TGM3: variants seen among roughly 807,000 people sequenced by gnomAD.
TGM3 encodes the protein transglutaminase 3, also known as protein-glutamine gamma-glutamyltransferase E.
TGM3 carries 52 observed loss-of-function variants against 73.8 expected under a neutral mutation model. That is an observed-to-expected ratio of 0.70 (90% CI 0.56 to 0.89). The LOEUF (loss-of-function observed/expected upper bound fraction) is 0.89. Ranked by LOEUF, TGM3 falls within the 40% of genes least tolerant of loss-of-function variation. The pLI is 0.00. For missense variants in TGM3, 928 were observed against 909.9 expected (o/e 1.02, Z -0.26); for synonymous variants, 372 against 354.9 (o/e 1.05, Z -0.54).
In TGM3 at chr20:2,317,263, T is replaced by A; in HGVS notation, c.847+18T>A. The A allele has an allele frequency of 6.2e-7, 1 of 1,613,750 alleles. No homozygotes were observed. The highest frequency in any genetic ancestry group is 1.7e-5 in the Admixed American group (1 of 60,024). Reference sequence around the variant, plus strand: ...CAACACAGGTACCTTGGGTGTGGTGTGCCTTGGCTGGGTCAGTGGGTGGCA... The same window carrying A: ...CAACACAGGTACCTTGGGTGTGGTGAGCCTTGGCTGGGTCAGTGGGTGGCA... On this transcript the variant is annotated intron_variant, in intron 6 of 12. Transcript: ENST00000381458.
chr20:2,313,510 G>A (rs2084217774), intron 5 of TGM3, among the ~76,000 whole-genome samples: 1 of 152,174 alleles, frequency 6.6e-6, no homozygotes, highest in African/African-American at 2.4e-5. Context: ...TCATGGTCTA[G>A]ATGGGGAAAC....
chr20:2,328,193 C>A lies in TGM3; in HGVS notation c.1161C>A (p.Pro387=). ...EGDVQLNFDM[P]FIFAEVNADR... is the part of the protein sequence containing the mutation. ...ATGTGCAGCTGAACTTCGACATGCC[C>A]TTTATCTTCGCGGAGGTTAATGCCG... The change falls in exon 9 of 13, where the codon CCC becomes CCA. Residue 387 remains proline (P), a synonymous_variant. Coordinates refer to ENST00000381458, the MANE Select transcript of TGM3 (RefSeq NM_003245.4). This position sits in a 1 kb window ranked among gnomAD's most constrained non-coding sequence, Gnocchi z 5.2. 1 of 1,614,190 alleles carries A rather than the reference C, an allele frequency of 6.2e-7. No homozygotes were observed. Among genetic ancestry groups the A allele is most frequent in the Non-Finnish European group, 8.5e-7 (1 of 1,180,048 alleles).
intron 1 of TGM3, among the ~76,000 whole-genome samples, chr20:2,302,503 T>C (rs1205368016): frequency 1.3e-5 from 2 of 152,098 alleles, no homozygotes; most frequent in African/African-American, 4.8e-5. Flanking sequence ...AACCAGGCAG[T>C]TCTGGGCAGG....
intron 7 of TGM3, among the ~76,000 whole-genome samples, chr20:2,323,185 A>G (rs1435546425): frequency 1.3e-5 from 2 of 152,118 alleles, no homozygotes; most frequent in Admixed American, 1.3e-4. Context: ...CCTGAACCCA[A>G]TTTGTAGTCT....
chr20:2,315,492 A>G (rs2084228511), intron 5 of TGM3, among the ~76,000 whole-genome samples: 1 of 152,242 alleles, frequency 6.6e-6, no homozygotes, highest in African/African-American at 2.4e-5. Flanking sequence ...TCACTACTGC[A>G]CTGAGGGCCT....
chr20:2,322,752 G>C (rs933968891), intron 7 of TGM3, among the ~76,000 whole-genome samples: 7 of 152,158 alleles, frequency 4.6e-5, no homozygotes, highest in Non-Finnish European at 7.3e-5. Flanking sequence ...GATTAAATAA[G>C]TTAATATATG....
At chr20:2,296,187 G>T (rs1232552654) in intron 1 of TGM3, 117 bp downstream of exon 1, 3 of 1,293,334 alleles carry the variant, frequency 2.3e-6, no homozygotes, top group Non-Finnish European at 3.3e-6. Context: ...GGGCTCTGAA[G>T]GCCAGACTTC....
intron 11 of TGM3, among the ~76,000 whole-genome samples, chr20:2,338,112 AGAT>A (rs1250429001): frequency 1.3e-5 from 2 of 152,212 alleles, no homozygotes; most frequent in Non-Finnish European, 2.9e-5. Flanking sequence ...CTGTATGAAA[AGAT>A]AATAATTTGG....
At chr20:2,311,251 T>C in intron 4 of TGM3, 122 bp downstream of exon 4, 2 of 788,330 alleles carry the variant, frequency 2.5e-6, no homozygotes, top group Non-Finnish European at 4.3e-6. Flanking sequence ...TATTTGTTCA[T>C]GTATTCAGAA....
At chr20:2,312,774 G>A in intron 4 of TGM3, 124 bp from the exon 5 acceptor site, 1 of 1,406,706 alleles carries the variant, frequency 7.1e-7, no homozygotes, top group South Asian at 1.3e-5. Context: ...GTAGCTCTCA[G>A]TTCCAGAGGC....
chr20:2,312,881 G>C lies in TGM3; in HGVS notation c.541-17G>C. On this transcript the variant is annotated splice_polypyrimidine_tract_variant and intron_variant, in intron 4 of 12. Coordinates refer to ENST00000381458, the MANE Select transcript of TGM3 (RefSeq NM_003245.4). The stretch of plus-strand genomic sequence containing the variant: ...TGTCATTTCTTTAATTGTAATGTAT[G>C]GTCTCGTTCTGAACAGTTTGAAGAA... 6.2e-7 allele frequency: 1 copy of C among 1,613,832 alleles called. No individual in the cohort carries two copies. The highest frequency in any genetic ancestry group is 2.2e-5 in the East Asian group (1 of 44,862).
intron 10 of TGM3, among the ~76,000 whole-genome samples, chr20:2,333,659 G>A (rs986199057): frequency 1.3e-5 from 2 of 152,148 alleles, no homozygotes; most frequent in Non-Finnish European, 2.9e-5. Flanking sequence ...GCTTCCCAAA[G>A]TGCTGGGATT....
chr20:2,317,456 C>A lies in TGM3; in HGVS notation c.954C>A (p.Asn318Lys). Residue 318 changes from asparagine to lysine, a missense_variant, in exon 7 of 13, where the codon AAC becomes AAA. By Grantham distance (94) the Asn-to-Lys change is moderately conservative. Coordinates refer to ENST00000381458, the MANE Select transcript of TGM3 (RefSeq NM_003245.4). Reference sequence around the variant, plus strand: ...ATGTGTACTACGACCCCATGGGAAACCCCCTGGACAAGGGTAGTGATAGCG... The same window carrying A: ...ATGTGTACTACGACCCCATGGGAAAACCCCTGGACAAGGGTAGTGATAGCG... ...SVDVYYDPMGNPLDKGSDSVW... is the reference protein window; with the variant it reads ...SVDVYYDPMGKPLDKGSDSVW... The A allele has an allele frequency of 1.2e-6, 2 of 1,614,212 alleles. No individual in the cohort carries two copies. Among genetic ancestry groups the A allele is most frequent in the African/African-American group, 1.3e-5 (1 of 75,068 alleles).
At position 2,326,130 on chromosome 20, in the gene TGM3, T is replaced by C. The variant is rs2084286668; in HGVS notation, c.1087+178T>C. 6.1e-6 allele frequency: 4 copies of C among 650,526 alleles called. No individual in the cohort carries two copies. The Admixed American group carries it at 1.0e-4, about 17-fold the overall frequency. The allele number at this position is 650,526 out of a possible 1,614,324, so 40.3% of individuals were successfully genotyped here. ...ATTTTGCTTGGCTCGGGCTGCTGTT[T>C]AAATGAGTGCCTGCCCTGCACCCAC... On this transcript the variant is annotated intron_variant, in intron 8 of 12. Coordinates refer to ENST00000381458, the MANE Select transcript of TGM3 (RefSeq NM_003245.4).
At chr20:2,330,474 G>A (rs1188311686) in intron 9 of TGM3, among the ~76,000 whole-genome samples, 1 of 152,214 alleles carries the variant, frequency 6.6e-6, no homozygotes, top group African/African-American at 2.4e-5. Flanking sequence ...CTGGCTGCCT[G>A]CCTTCTTTTT....
chr20:2,309,753 GC>G lies in TGM3; in HGVS notation c.106del (p.Gln36LysfsTer6). 6.2e-7 allele frequency: 1 copy of G among 1,614,176 alleles called. No homozygotes were observed. The highest frequency in any genetic ancestry group is 8.5e-7 in the Non-Finnish European group (1 of 1,180,034). On this transcript the variant is annotated frameshift_variant, in exon 2 of 13. Coordinates refer to ENST00000381458, the MANE Select transcript of TGM3 (RefSeq NM_003245.4). LOFTEE classifies it high-confidence loss of function. ...AGCCAGGAGCTCATCTTGCGGAGAGGCCAAAACTTCCAGGTCTTAATGATCA... is the reference window on the plus strand; with the variant it reads ...AGCCAGGAGCTCATCTTGCGGAGAGGCAAAACTTCCAGGTCTTAATGATCA... ...FSSQELILRR[G>X]QNFQVLMIMN...
intron 11 of TGM3, among the ~76,000 whole-genome samples, chr20:2,337,924 T>A (rs1381530756): frequency 1.3e-5 from 2 of 152,190 alleles, no homozygotes; most frequent in Admixed American, 6.5e-5. Flanking sequence ...AAATGTGCCA[T>A]CACTGACTCT....
At chr20:2,333,762 G>A (rs1051204732) in intron 10 of TGM3, among the ~76,000 whole-genome samples, 1 of 152,116 alleles carries the variant, frequency 6.6e-6, no homozygotes, top group African/African-American at 2.4e-5. Context: ...AAACCGTTTT[G>A]CAGAATGGAA....
In TGM3 at chr20:2,332,074, C is replaced by T. The variant is rs771056380; in HGVS notation, c.1406C>T (p.Thr469Met). The change falls in exon 10 of 13, where the codon ACG becomes ATG. Residue 469 changes from threonine to methionine, a missense_variant. Thr to Met is a moderately conservative substitution (Grantham distance 81). Coordinates refer to ENST00000381458, the MANE Select transcript of TGM3 (RefSeq NM_003245.4). This position sits in a 1 kb window ranked among gnomAD's most constrained non-coding sequence, Gnocchi z 4.4. The part of the protein sequence containing the change: ...KLKPNTPFAA[T>M]SSMGLETEEQ... ...AAACCCAACACGCCATTTGCCGCGA[C>T]GTCTTCAATGGGTTTGGAAACAGAG... The T allele has an allele frequency of 2.5e-5, 40 of 1,614,030 alleles. No homozygotes were observed. Among genetic ancestry groups the T allele is most frequent in the Admixed American group, 6.7e-5 (4 of 59,990 alleles).
Sources: allele counts gnomAD v4.1 joint callset (sites outside exome capture counted in the v4.1 genomes callset), GRCh38; gene constraint gnomAD v4.1.1; non-coding constraint Gnocchi (gnomAD v3.1); transcripts MANE v1.5; gene names NCBI Gene and HGNC (gene_info 2026-07-23, HGNC 2026-07-21).